Variants in DACH2 observed in about 807,000 individuals in gnomAD.
The protein encoded by DACH2 is dachshund family transcription factor 2, also known as dachshund homolog 2.
A neutral mutation model predicts 35.8 loss-of-function variants in DACH2; 17 were observed. The ratio of observed to expected loss-of-function variants is 0.48; its 90% CI spans 0.33 to 0.71. The LOEUF (loss-of-function observed/expected upper bound fraction) is 0.71, where lower values mean the gene tolerates loss of function less well. Ranked by LOEUF, DACH2 falls within the 30% of genes least tolerant of loss-of-function variation. DACH2 has a pLI of 0.02. For synonymous variants in DACH2, 195 were observed against 177.3 expected, an observed-to-expected ratio of 1.10 and a Z score of -0.79; for missense variants, 469 against 472.7, an observed-to-expected ratio of 0.99 and a Z score of 0.07.
chrX:86,410,749 C>A (rs1490274241), intron 2 of DACH2, among the ~76,000 whole-genome samples: 1 of 109,735 alleles, frequency 9.1e-6, no homozygotes, highest in Non-Finnish European at 1.9e-5. Context: ...CAAATCCCAA[C>A]TAAAATGTGT....
intron 1 of DACH2, among the ~76,000 whole-genome samples, chrX:86,238,237 T>G (rs2033095502): frequency 8.9e-6 from 1 of 112,379 alleles, no homozygotes; most frequent in Non-Finnish European, 1.9e-5. Context: ...CTAAATGCCA[T>G]CAGATTTCTC....
intron 1 of DACH2, among the ~76,000 whole-genome samples, chrX:86,290,562 C>A (rs1214457345): frequency 9.3e-6 from 1 of 108,004 alleles, no homozygotes; most frequent in Non-Finnish European, 1.9e-5. Context: ...TTAGGTCTGA[C>A]GTTTAAGTCT....
intron 3 of DACH2, among the ~76,000 whole-genome samples, chrX:86,638,648 T>C (rs2040308139): frequency 8.9e-6 from 1 of 112,084 alleles, no homozygotes; most frequent in Non-Finnish European, 1.9e-5. Flanking sequence ...CAAACAAGCA[T>C]GTGAAAAAAT....
intron 2 of DACH2, chrX:86,480,910 A>G (rs1324213273): frequency 4.5e-5 from 5 of 112,082 alleles, no homozygotes; most frequent in African/African-American, 1.6e-4. Flanking sequence ...AACCATGGAA[A>G]ATAGTATAAA....
chrX:86,703,972 GA>G (rs1370411934), intron 5 of DACH2, among the ~76,000 whole-genome samples: 1 of 111,724 alleles, frequency 9.0e-6, no homozygotes, highest in Non-Finnish European at 1.9e-5. Context: ...TCATATGGAA[GA>G]AAAAAATTGG....
chrX:86,276,746 T>C (rs1256725908), intron 1 of DACH2, among the ~76,000 whole-genome samples: 1 of 112,306 alleles, frequency 8.9e-6, no homozygotes, highest in Non-Finnish European at 1.9e-5. Context: ...CTTCTGCATG[T>C]GGAATTCCAA....
intron 2 of DACH2, among the ~76,000 whole-genome samples, chrX:86,405,788 A>C (rs2036518148): frequency 9.0e-6 from 1 of 111,682 alleles, no homozygotes; most frequent in Non-Finnish European, 1.9e-5. Flanking sequence ...GTACATACTC[A>C]AGACTGGGTA....
chrX:86,646,239 A>G (rs1167902074), intron 3 of DACH2, among the ~76,000 whole-genome samples: 1 of 110,039 alleles, frequency 9.1e-6, no homozygotes, highest in African/African-American at 3.3e-5. Flanking sequence ...GAGCTAAATG[A>G]CATGTATACA....
At chrX:86,446,865 G>A (rs1383167233) in intron 2 of DACH2, among the ~76,000 whole-genome samples, 3 of 94,047 alleles carry the variant, frequency 3.2e-5, no homozygotes, top group Non-Finnish European at 4.2e-5. Context: ...CTGAGGAATT[G>A]CCACACTGAC....
intron 1 of DACH2, among the ~76,000 whole-genome samples, chrX:86,312,683 A>G (rs925948853): frequency 4.5e-5 from 5 of 111,660 alleles, no homozygotes; most frequent in African/African-American, 1.6e-4. Context: ...CCCAGCCTAC[A>G]TTTTCTCCCT....
chrX:86,579,682 C>A (rs773083794), intron 3 of DACH2, among the ~76,000 whole-genome samples: 2 of 111,835 alleles, frequency 1.8e-5, no homozygotes, highest in Non-Finnish European at 3.8e-5. Context: ...ATTTATTATT[C>A]TTTTCAGTAT....
At chrX:86,776,637 T>G (rs2042035312) in intron 7 of DACH2, among the ~76,000 whole-genome samples, 1 of 111,227 alleles carries the variant, frequency 9.0e-6, no homozygotes, top group Non-Finnish European at 1.9e-5. Context: ...GCTCACAACG[T>G]GCAGGTTTGT....
At chrX:86,645,856 CT>C (rs1440596956) in intron 3 of DACH2, among the ~76,000 whole-genome samples, 1 of 110,595 alleles carries the variant, frequency 9.0e-6, no homozygotes, top group African/African-American at 3.3e-5. Flanking sequence ...ATGATAGGAA[CT>C]TATGAACACA....
At chrX:86,804,875 G>C (rs1181632526) in intron 7 of DACH2, among the ~76,000 whole-genome samples, 3 of 71,374 alleles carry the variant, frequency 4.2e-5, no homozygotes, top group Non-Finnish European at 5.9e-5. Flanking sequence ...GCCTTGGGCA[G>C]ATCTGCCCCT....
chrX:86,329,816 G>A (rs751628512), intron 1 of DACH2, among the ~76,000 whole-genome samples: 89 of 111,717 alleles, frequency 8.0e-4, no homozygotes, highest in Non-Finnish European at 7.9e-4. Flanking sequence ...GAATTTACTA[G>A]GACTCATTTA....
intron 1 of DACH2, among the ~76,000 whole-genome samples, chrX:86,288,654 C>T (rs1270570048): frequency 1.8e-5 from 2 of 111,832 alleles, no homozygotes; most frequent in East Asian, 5.6e-4. Flanking sequence ...GGAGCCTCAC[C>T]CAGTGGCTAC....
At chrX:86,770,142 C>A (rs144611233) in intron 7 of DACH2, among the ~76,000 whole-genome samples, 4,563 of 102,509 alleles carry the variant, frequency 0.045, 92 homozygotes, top group Non-Finnish European at 0.068. Context: ...CAAAGACATT[C>A]ATCAATGATG....
At position 86,698,519 on chromosome X, in the gene DACH2, GTGTTTT is replaced by G. The variant is rs1464535877; in HGVS notation, c.931+3342_931+3347del. Among the ~76,000 whole-genome samples the G allele has an allele frequency of 3.5e-3, 113 of 32,082 alleles. 10 individuals carry two copies. The highest frequency in any genetic ancestry group is 0.013 in the African/African-American group (99 of 7,829). The allele number at this position is 32,082 out of a possible 115,157, so 27.9% of individuals were successfully genotyped here. A position where few individuals can be genotyped will look rare whatever the true frequency, so the allele number is the denominator to read the frequency against. ...TTCTTCTTTTTGTTTTGTTAGTTTTGTGTTTTTTTTTTTTTTTTTTTTTTTTTTTAC... is the reference window on the plus strand; with the variant it reads ...TTCTTCTTTTTGTTTTGTTAGTTTTGTTTTTTTTTTTTTTTTTTTTTTTAC... On this transcript the variant is annotated intron_variant, in intron 5 of 11. Coordinates refer to ENST00000373125, the MANE Select transcript of DACH2 (RefSeq NM_053281.3).
chrX:86,346,970 T>C (rs2035507581), intron 1 of DACH2, among the ~76,000 whole-genome samples: 1 of 111,955 alleles, frequency 8.9e-6, no homozygotes, highest in Admixed American at 9.5e-5. Flanking sequence ...CATAATGTTT[T>C]CATGGAGAAC....
Sources: gnomAD v4.1 joint callset for allele counts (sites outside exome capture counted in the v4.1 genomes callset) on GRCh38, gnomAD v4.1.1 for gene constraint, MANE v1.5 for transcripts, NCBI Gene and HGNC (gene_info 2026-07-23, HGNC 2026-07-21) for gene names.